Variants in CIMIP2C observed in about 807,000 individuals in gnomAD.
CIMIP2C encodes UPF0573 protein C2orf70.
At chr2:26,562,722 C>T in the CIMIP2C span, 1 of 1,522,806 alleles carries the variant, frequency 6.6e-7, no homozygotes. Flanking sequence ...CCTCCCCCTT[C>T]CACTAGCGCC....
chr2:26,575,813 A>G, the CIMIP2C span: 1 of 1,476,624 alleles, frequency 6.8e-7, no homozygotes, highest in Non-Finnish European at 9.1e-7. Context: ...CATGAGCCAC[A>G]GCATCCTCCA....
At chr2:26,577,078 T>C in the CIMIP2C span, among the ~76,000 whole-genome samples, 1 of 152,092 alleles carries the variant, frequency 6.6e-6, no homozygotes, top group Admixed American at 6.5e-5. Flanking sequence ...TGTGCGACCA[T>C]CTCAGGGGGT....
chr2:26,567,815 T>C, the CIMIP2C span, among the ~76,000 whole-genome samples: 2 of 152,196 alleles, frequency 1.3e-5, no homozygotes, highest in African/African-American at 4.8e-5. Flanking sequence ...GAGATTCTGA[T>C]GTCATTGGTT....
At chr2:26,569,675 G>T in the CIMIP2C span, among the ~76,000 whole-genome samples, 3 of 152,114 alleles carry the variant, frequency 2.0e-5, no homozygotes, top group East Asian at 5.8e-4. Context: ...ACCCACAGTG[G>T]GCCTTAGAAT....
At chr2:26,572,622 C>T in the CIMIP2C span, among the ~76,000 whole-genome samples, 1 of 152,202 alleles carries the variant, frequency 6.6e-6, no homozygotes, top group Non-Finnish European at 1.5e-5. Context: ...GCATCTCTTC[C>T]ATTCCCTACA....
the CIMIP2C span, among the ~76,000 whole-genome samples, chr2:26,572,982 C>A: frequency 1.3e-5 from 2 of 152,216 alleles, no homozygotes; most frequent in African/African-American, 2.4e-5. Context: ...ATCTACAGCA[C>A]GAAGTGCTCT....
chr2:26,575,806 G>A, the CIMIP2C span: 1 of 1,441,960 alleles, frequency 6.9e-7, no homozygotes, highest in Non-Finnish European at 9.3e-7. Context: ...TTACAGGCAT[G>A]AGCCACAGCA....
the CIMIP2C span, among the ~76,000 whole-genome samples, chr2:26,576,659 C>G: frequency 1.5e-4 from 23 of 152,228 alleles, no homozygotes; most frequent in Non-Finnish European, 2.5e-4. Flanking sequence ...CCTGCTCACC[C>G]CTCCCTGCCC....
the CIMIP2C span, among the ~76,000 whole-genome samples, chr2:26,570,716 T>C: frequency 6.6e-6 from 1 of 152,192 alleles, no homozygotes; most frequent in Non-Finnish European, 1.5e-5. Flanking sequence ...GGAGTAACGC[T>C]GCTGGGGCCC....
At chr2:26,574,232 G>A in the CIMIP2C span, among the ~76,000 whole-genome samples, 575 of 152,320 alleles carry the variant, frequency 3.8e-3, 2 homozygotes, top group Non-Finnish European at 6.5e-3. Context: ...ATGCCACGCC[G>A]AGGATCTGAC....
the CIMIP2C span, chr2:26,578,901 A>T: frequency 2.1e-6 from 1 of 473,404 alleles, no homozygotes; most frequent in Non-Finnish European, 4.4e-6. Flanking sequence ...AATCCCCTCC[A>T]TCAGCACCAT....
the CIMIP2C span, chr2:26,578,264 T>C: frequency 6.3e-6 from 1 of 158,782 alleles, no homozygotes; most frequent in Non-Finnish European, 1.4e-5. Context: ...TCACACGAGG[T>C]GTCCTGGAGT....
the CIMIP2C span, chr2:26,562,702 C>T: frequency 1.3e-6 from 2 of 1,555,868 alleles, no homozygotes; most frequent in South Asian, 1.2e-5. Context: ...GCCGAGGGAG[C>T]GCCTCCTCCC....
At chr2:26,570,254 C>G in the CIMIP2C span, among the ~76,000 whole-genome samples, 1 of 152,206 alleles carries the variant, frequency 6.6e-6, no homozygotes, top group Non-Finnish European at 1.5e-5. Context: ...GAGAACACAT[C>G]ATTTTTCTAT....
the CIMIP2C span, among the ~76,000 whole-genome samples, chr2:26,565,443 GC>G: frequency 6.6e-6 from 1 of 152,124 alleles, no homozygotes; most frequent in Non-Finnish European, 1.5e-5. Context: ...TGAGCAGCTT[GC>G]CCAAAGTCAT....
At chr2:26,578,678 G>A in the CIMIP2C span, 1 of 462,244 alleles carries the variant, frequency 2.2e-6, no homozygotes. Flanking sequence ...GGACTCTCCT[G>A]GGGACAGGTA....
At chr2:26,570,227 G>A in the CIMIP2C span, among the ~76,000 whole-genome samples, 1 of 152,218 alleles carries the variant, frequency 6.6e-6, no homozygotes, top group South Asian at 2.1e-4. Flanking sequence ...GAGCTTGGGG[G>A]CGGAGAGAAG....
At chr2:26,566,141 G>A in the CIMIP2C span, among the ~76,000 whole-genome samples, 1 of 152,330 alleles carries the variant, frequency 6.6e-6, no homozygotes, top group East Asian at 1.9e-4. Context: ...CAGACACTTG[G>A]CCTGCGCCAT....
chr2:26,564,070 G>C, the CIMIP2C span, among the ~76,000 whole-genome samples: 1 of 152,192 alleles, frequency 6.6e-6, no homozygotes, highest in Non-Finnish European at 1.5e-5. Context: ...AGGAGGCTGG[G>C]AAGACAAAGA....
Sources: gnomAD v4.1 joint callset for allele counts (sites outside exome capture counted in the v4.1 genomes callset) on GRCh38, gnomAD v4.1.1 for gene constraint, MANE v1.5 for transcripts, NCBI Gene and HGNC (gene_info 2026-07-23, HGNC 2026-07-21) for gene names.